The following HSD11B1 variants were observed in gnomAD, a reference collection of about 807,000 sequenced individuals.
The protein encoded by HSD11B1 is hydroxysteroid 11-beta dehydrogenase 1.
A neutral mutation model predicts 22.1 loss-of-function variants in HSD11B1; 15 were observed. The observed-to-expected ratio is 0.68, with a 90% CI of 0.45 to 1.04. HSD11B1 has a LOEUF of 1.04. HSD11B1 is among the 50% of genes least tolerant of loss of function. The pLI is 0.00. For missense variants in HSD11B1, 281 were observed against 357.6 expected (o/e 0.79, Z 1.73); for synonymous variants, 122 against 125.2 (o/e 0.97, Z 0.17).
upstream of HSD11B1, among the ~76,000 whole-genome samples, chr1:209,704,520 TC>T (rs960405241): frequency 3.9e-5 from 6 of 151,996 alleles, no homozygotes; most frequent in Non-Finnish European, 7.4e-5. Context: ...TACTCACATT[TC>T]CCCCCAGAAG....
chr1:209,727,690 A>C (rs1447855516), intron 4 of HSD11B1, among the ~76,000 whole-genome samples: 1 of 152,206 alleles, frequency 6.6e-6, no homozygotes, highest in Non-Finnish European at 1.5e-5. Flanking sequence ...CCCACTCATT[A>C]ACCTTGAAAC....
At chr1:209,721,511 C>T (rs955738813) in intron 4 of HSD11B1, among the ~76,000 whole-genome samples, 7 of 148,800 alleles carry the variant, frequency 4.7e-5, no homozygotes, top group African/African-American at 1.8e-4. Flanking sequence ...AGTCTAGTGA[C>T]TTGGAGGACA....
upstream of HSD11B1, chr1:209,704,713 A>T: frequency 3.8e-6 from 2 of 531,616 alleles, no homozygotes; most frequent in East Asian, 6.6e-5. Flanking sequence ...TGGAGTAAAC[A>T]TTGTCCATTA....
intron 4 of HSD11B1, among the ~76,000 whole-genome samples, chr1:209,728,797 C>T (rs2077018635): frequency 1.3e-5 from 2 of 152,310 alleles, no homozygotes; most frequent in South Asian, 4.1e-4. Flanking sequence ...CTCTCAGAAA[C>T]TCTTCCAGAA....
intron 1 of HSD11B1, among the ~76,000 whole-genome samples, chr1:209,697,884 CTTTTTTTTT>C (rs988076432): frequency 2.6e-4 from 11 of 41,586 alleles, no homozygotes; most frequent in Admixed American, 4.6e-4. Flanking sequence ...TTGTTTTTTC[CTTTTTTTTT>C]TTTTTTTTTT....
intron 4 of HSD11B1, among the ~76,000 whole-genome samples, chr1:209,726,295 AAAAAAAAAACC>A (rs1283346622): frequency 1.3e-5 from 2 of 149,314 alleles, no homozygotes; most frequent in African/African-American, 5.1e-5. Context: ...AAAAAAAAAA[AAAAAAAAAACC>A]AAAAATATTT....
chr1:209,687,331 G>A (rs569223252), intron 1 of HSD11B1, among the ~76,000 whole-genome samples: 41 of 152,264 alleles, frequency 2.7e-4, no homozygotes, highest in African/African-American at 7.9e-4. Context: ...CATCAGAGTC[G>A]GAAGCTGAAA....
chr1:209,692,104 T>G (rs2076762877), intron 1 of HSD11B1, among the ~76,000 whole-genome samples: 1 of 150,488 alleles, frequency 6.6e-6, no homozygotes, highest in Non-Finnish European at 1.5e-5. Context: ...AATGGCTCAG[T>G]TATAACACAG....
intron 4 of HSD11B1, among the ~76,000 whole-genome samples, chr1:209,723,411 A>C (rs1280385935): frequency 2.6e-5 from 4 of 152,188 alleles, no homozygotes; most frequent in Admixed American, 2.0e-4. Context: ...AGTGGATCTC[A>C]TAGGGTGCAA....
At position 209,732,891 on chromosome 1, in the gene HSD11B1, G is replaced by A. The variant is rs150339738; in HGVS notation, c.661+312G>A. ...ATAATGACCTGCAGATGAACTGTCT[G>A]CCTTACCATTGTGGATAAACAAGGG... On this transcript the variant is annotated intron_variant, in intron 5 of 5. Coordinates refer to ENST00000367027, the MANE Select transcript of HSD11B1 (RefSeq NM_005525.4). Among the ~76,000 whole-genome samples the A allele has an allele frequency of 2.6e-5, 4 of 152,210 alleles. 1 individual carries two copies. The highest frequency in any genetic ancestry group is 9.6e-5 in the African/African-American group (4 of 41,526).
intron 1 of HSD11B1, among the ~76,000 whole-genome samples, chr1:209,705,563 T>TG (rs984785692): frequency 6.6e-6 from 1 of 152,164 alleles, no homozygotes; most frequent in Non-Finnish European, 1.5e-5. Flanking sequence ...CTTCATCCTA[T>TG]GATCTCTTTC....
Position 209,734,825 on chromosome 1 carries a change from T to TA in HSD11B1, c.*306dup, listed in dbSNP as rs1271782203. On this transcript the variant is annotated 3_prime_UTR_variant, in exon 6 of 6. Transcript: ENST00000367027. ...TAATATGTGATGATTAATACAATAT[T>TA]AATTATAATAAAGGTCACATAAACT... is the stretch of plus-strand genomic sequence containing the variant. 1 of 163,996 alleles carries TA rather than the reference T, an allele frequency of 6.1e-6. No homozygotes were observed. The highest frequency in any genetic ancestry group is 1.3e-5 in the Non-Finnish European group (1 of 75,670). 10.2% of individuals were successfully genotyped at this position (163,996 alleles called of 1,614,324 possible).
In HSD11B1 at chr1:209,734,279, C is replaced by T. The variant is rs558052402; in HGVS notation, c.662-25C>T. ...TGTAGACTGTCCTAGTCAGATAACCCTACTCTTCCCTTGTCATTCTATAGA... is the reference window on the plus strand; with the variant it reads ...TGTAGACTGTCCTAGTCAGATAACCTTACTCTTCCCTTGTCATTCTATAGA... On this transcript the variant is annotated intron_variant, in intron 5 of 5. Transcript: ENST00000367027. 48 of 1,578,442 alleles carry T rather than the reference C, an allele frequency of 3.0e-5. 1 individual carries two copies. In the Admixed American group the frequency reaches 3.7e-4, roughly 12 times the overall value.
At chr1:209,694,325 G>T (rs1437336098) in intron 1 of HSD11B1, among the ~76,000 whole-genome samples, 3 of 152,212 alleles carry the variant, frequency 2.0e-5, no homozygotes, top group Non-Finnish European at 4.4e-5. Flanking sequence ...AGATGCAGGG[G>T]CAAGCAAGGT....
chr1:209,719,778 C>T (rs2076954379), intron 4 of HSD11B1, among the ~76,000 whole-genome samples: 1 of 152,180 alleles, frequency 6.6e-6, no homozygotes, highest in Non-Finnish European at 1.5e-5. Flanking sequence ...ATATGTGCCA[C>T]ATTTGCTTAA....
rs1345142703 is a variant in HSD11B1, at chr1:209,734,491, C to T, written c.849C>T (p.Ser283=). ...TCCTGGAATTTCTCTACTCAACGAGCTATAATATGGACAGATTCATAAACA... is the reference window on the plus strand; with the variant it reads ...TCCTGGAATTTCTCTACTCAACGAGTTATAATATGGACAGATTCATAAACA... ...RKILEFLYST[S]YNMDRFINK is the part of the protein sequence containing the mutation. Residue 283 remains serine, a synonymous_variant, in exon 6 of 6, where the codon AGC becomes AGT. Transcript: ENST00000367027. 2.5e-6 allele frequency: 4 copies of T among 1,613,870 alleles called. No homozygotes were observed. The East Asian group carries it at 8.9e-5, about 36-fold the overall frequency.
upstream of HSD11B1, among the ~76,000 whole-genome samples, chr1:209,702,617 G>A (rs2102366035): frequency 6.6e-6 from 1 of 152,264 alleles, no homozygotes; most frequent in South Asian, 2.1e-4. Context: ...GTATGCTAAT[G>A]CCACTGCCCT....
intron 1 of HSD11B1, among the ~76,000 whole-genome samples, chr1:209,690,774 T>A (rs1027467492): frequency 1.3e-5 from 2 of 151,290 alleles, no homozygotes; most frequent in African/African-American, 4.9e-5. Context: ...GAAAATAGGA[T>A]GAAATGGAAA....
rs969467300 is a variant in HSD11B1, at chr1:209,720,585, C to A, written c.518-11851C>A. On this transcript the variant is annotated intron_variant, in intron 4 of 5. Coordinates refer to ENST00000367027, the MANE Select transcript of HSD11B1 (RefSeq NM_005525.4). The stretch of plus-strand genomic sequence containing the variant: ...GCCAGCTTCGGCATATCAGCTTGTA[C>A]AAAATAACTGGCTGTACTCTCCAAC... 9.3e-5 allele frequency among the ~76,000 whole-genome samples: 14 copies of A among 150,806 alleles called. No homozygotes were observed. In the East Asian group the frequency reaches 2.7e-3, roughly 29 times the overall value.
Sources: gnomAD v4.1 joint callset for allele counts (sites outside exome capture counted in the v4.1 genomes callset) on GRCh38, gnomAD v4.1.1 for gene constraint, MANE v1.5 for transcripts, NCBI Gene and HGNC (gene_info 2026-07-23, HGNC 2026-07-21) for gene names.